Variants in PADI4 observed in about 807,000 individuals in gnomAD.
PADI4 encodes the protein peptidyl arginine deiminase 4.
PADI4 carries 62 observed loss-of-function variants against 75.0 expected under a neutral mutation model. The observed-to-expected ratio is 0.83, with a 90% CI of 0.67 to 1.02. The LOEUF (loss-of-function observed/expected upper bound fraction) is 1.02, where lower values mean the gene tolerates loss of function less well. Among genes scored for constraint, PADI4 ranks in the 50% least tolerant of loss-of-function variants. PADI4 has a pLI of 0.00. For missense variants in PADI4, 845 were observed against 850.5 expected (o/e 0.99, Z 0.08); for synonymous variants, 361 against 348.1 (o/e 1.04, Z -0.41).
At chr1:17,309,172 G>GA (rs35072789) in intron 1 of PADI4, among the ~76,000 whole-genome samples, 150 of 143,748 alleles carry the variant, frequency 1.0e-3, no homozygotes, top group African/African-American at 3.5e-3. Context: ...ATTTTCCCTG[G>GA]AAAAAAAAAA....
At chr1:17,340,759 A>C (rs1035570277) in intron 6 of PADI4, among the ~76,000 whole-genome samples, 1 of 139,666 alleles carries the variant, frequency 7.2e-6, no homozygotes, top group Non-Finnish European at 1.6e-5. Flanking sequence ...AATCATTCTG[A>C]TCCTGATCAT....
Position 17,363,636 on chromosome 1 carries a change from C to T in PADI4, c.1873C>T (p.Leu625Phe). Residue 625 changes from leucine to phenylalanine, a missense_variant, in exon 16 of 16, where the codon CTC (leucine) becomes TTC (phenylalanine). By Grantham distance (22) the Leu-to-Phe change is conservative (BLOSUM62 0). Transcript: ENST00000375448. ...KVCSLLEPLG[L>F]QCTFINDFFT... ...GTGTTCCCTGCTGGAGCCACTGGGC[C>T]TCCAGTGCACCTTCATCAACGACTT... is the stretch of plus-strand genomic sequence containing the variant. The T allele has an allele frequency of 1.2e-6, 2 of 1,614,042 alleles. No homozygotes were observed. Among genetic ancestry groups the T allele is most frequent in the Non-Finnish European group, 1.7e-6 (2 of 1,179,860 alleles).
At position 17,354,528 on chromosome 1, in the gene PADI4, C is replaced by T; in HGVS notation, c.1156-5C>T. 1 of 1,614,036 alleles carries T rather than the reference C, an allele frequency of 6.2e-7. No individual in the cohort carries two copies. The highest frequency in any genetic ancestry group is 1.1e-5 in the South Asian group (1 of 91,072). ...AACTCTTGGCACTCCCTTCTCCTAT[C>T]TCAGGGTCCAGATTTTGGCTATGTA... On this transcript the variant is annotated splice_polypyrimidine_tract_variant and splice_region_variant and intron_variant, in intron 10 of 15. Transcript: ENST00000375448.
intron 1 of PADI4, among the ~76,000 whole-genome samples, chr1:17,326,122 T>C (rs2074114190): frequency 1.3e-5 from 2 of 152,194 alleles, no homozygotes; most frequent in Non-Finnish European, 2.9e-5. Context: ...ATCTGCTTTA[T>C]CTTCAGTAAT....
At chr1:17,355,148 G>A (rs895757168) in intron 11 of PADI4, among the ~76,000 whole-genome samples, 65 of 152,156 alleles carry the variant, frequency 4.3e-4, no homozygotes, top group African/African-American at 1.4e-3. Flanking sequence ...AAGGGACAGG[G>A]CCACCTGGAG....
chr1:17,310,108 T>A (rs2073793388), intron 1 of PADI4, among the ~76,000 whole-genome samples: 1 of 152,220 alleles, frequency 6.6e-6, no homozygotes, highest in Non-Finnish European at 1.5e-5. Flanking sequence ...GTTGAGCCTG[T>A]CACTCTATCC....
At chr1:17,361,628 A>G (rs950426602) in intron 15 of PADI4, among the ~76,000 whole-genome samples, 5 of 152,208 alleles carry the variant, frequency 3.3e-5, no homozygotes, top group African/African-American at 9.6e-5. Flanking sequence ...TGTCATTGCA[A>G]CGGAGATATG....
intron 11 of PADI4, among the ~76,000 whole-genome samples, chr1:17,355,230 G>A (rs888514922): frequency 6.6e-5 from 10 of 152,202 alleles, no homozygotes; most frequent in African/African-American, 1.2e-4. Flanking sequence ...GAGCTCCTGC[G>A]TGCAAGGCCA....
In PADI4 at chr1:17,338,085, G is replaced by T. The variant is rs779399204; in HGVS notation, c.456G>T (p.Val152=). 5.6e-5 allele frequency: 91 copies of T among 1,613,694 alleles called. No homozygotes were observed. The South Asian group carries it at 8.1e-4, about 14-fold the overall frequency. ...GTGGACAGGGTGCCATCCTGCTGGT[G>T]AACTGTGACAGAGACAATCTCGAAT... The part of the protein sequence containing the change: ...GPCGQGAILL[V]NCDRDNLESS... The change falls in exon 5 of 16, where the codon GTG becomes GTT. Residue 152 remains valine (V), a synonymous_variant. Transcript: ENST00000375448.
At chr1:17,327,582 CCCAG>C (rs1187744747) in intron 1 of PADI4, among the ~76,000 whole-genome samples, 36 of 151,214 alleles carry the variant, frequency 2.4e-4, no homozygotes, top group Non-Finnish European at 1.0e-4. Flanking sequence ...CGCTTTGTCA[CCCAG>C]GCTGGAGTAC....
chr1:17,356,298 C>G lies in PADI4; in HGVS notation c.1456-59C>G. The G allele has an allele frequency of 7.4e-7, 1 of 1,352,674 alleles. No individual in the cohort carries two copies. The highest frequency in any genetic ancestry group is 1.0e-6 in the Non-Finnish European group (1 of 978,156). The allele number at this position is 1,352,674 out of a possible 1,614,324, so 83.8% of individuals were successfully genotyped here. ...ACTACTCCCACCCTCAGCAGATCCACCCTCGTTGGGAGCTCCAGGGGCAAA... is the reference window on the plus strand; with the variant it reads ...ACTACTCCCACCCTCAGCAGATCCAGCCTCGTTGGGAGCTCCAGGGGCAAA... On this transcript the variant is annotated intron_variant, in intron 12 of 15. Coordinates refer to ENST00000375448, the MANE Select transcript of PADI4 (RefSeq NM_012387.3). The surrounding 1 kb of genome is among the most constrained non-coding windows in gnomAD (Gnocchi z 4.1).
chr1:17,337,569 G>A lies in PADI4; in HGVS notation c.409-469G>A, dbSNP rs146021462. On this transcript the variant is annotated intron_variant, in intron 4 of 15. Transcript: ENST00000375448. ...GAGTAAAAGGCAAAAATCCACTCCT[G>A]AGATCAAATAATTAATTGATGTGGA... Among the ~76,000 whole-genome samples the A allele has an allele frequency of 7.2e-3, 1,093 of 152,254 alleles. 7 individuals are homozygous for A. Among genetic ancestry groups the A allele is most frequent in the Non-Finnish European group, 0.012 (818 of 68,022 alleles).
At chr1:17,341,097 GTTTC>G (rs1056639090) in intron 6 of PADI4, among the ~76,000 whole-genome samples, 1 of 132,914 alleles carries the variant, frequency 7.5e-6, no homozygotes, top group African/African-American at 2.8e-5. Flanking sequence ...CCCAGCCTCT[GTTTC>G]TTTTTTTTTT....
chr1:17,348,018 C>A lies in PADI4; in HGVS notation c.1125C>A (p.Gly375=), dbSNP rs776883957. The A allele has an allele frequency of 3.1e-6, 5 of 1,612,394 alleles. No homozygotes were observed. Among genetic ancestry groups the A allele is most frequent in the African/African-American group, 1.3e-5 (1 of 74,886 alleles). The change falls in exon 10 of 16, where the codon GGC becomes GGA. Residue 375 remains glycine, a synonymous_variant. Transcript: ENST00000375448. Reference sequence around the variant, plus strand: ...TCTTCGACTCTCCAAGGAACAGAGGCCTGAAGGAGTTTCCCATCAAACGCG... The same window carrying A: ...TCTTCGACTCTCCAAGGAACAGAGGACTGAAGGAGTTTCCCATCAAACGCG... The part of the protein sequence containing the change: ...PVVFDSPRNR[G]LKEFPIKRVM...
intron 1 of PADI4, among the ~76,000 whole-genome samples, chr1:17,330,613 G>T (rs1465034252): frequency 6.6e-6 from 1 of 152,202 alleles, no homozygotes; most frequent in African/African-American, 2.4e-5. Context: ...TAGTGTCTAA[G>T]GGCAGGAGGA....
At chr1:17,335,693 A>G (rs2074296974) in intron 3 of PADI4, among the ~76,000 whole-genome samples, 1 of 152,250 alleles carries the variant, frequency 6.6e-6, no homozygotes, top group South Asian at 2.1e-4. Context: ...GTCCCCAGAT[A>G]CAGTCACAAC....
chr1:17,342,184 A>T, intron 7 of PADI4, 63 bp downstream of exon 7: 1 of 1,541,568 alleles, frequency 6.5e-7, no homozygotes, highest in Non-Finnish European at 9.0e-7. Flanking sequence ...CTGGCTAGGG[A>T]AAGGGGTACA....
chr1:17,348,319 G>C lies in PADI4; in HGVS notation c.1155+271G>C, dbSNP rs1173832634. Reference sequence around the variant, plus strand: ...CTGCCGAGGAGGTGGCTCAGGCTTGGACCTCCCTGTGCTCTTGAAGAAGCT... The same window carrying C: ...CTGCCGAGGAGGTGGCTCAGGCTTGCACCTCCCTGTGCTCTTGAAGAAGCT... On this transcript the variant is annotated intron_variant, in intron 10 of 15. Coordinates refer to ENST00000375448, the MANE Select transcript of PADI4 (RefSeq NM_012387.3). 4.6e-5 allele frequency: 15 copies of C among 326,184 alleles called. No individual in the cohort carries two copies. The Admixed American group carries it at 6.1e-4, about 13-fold the overall frequency. The allele number at this position is 326,184 out of a possible 1,614,324, so 20.2% of individuals were successfully genotyped here. A position where few individuals can be genotyped will look rare whatever the true frequency, so the allele number is the denominator to read the frequency against.
At chr1:17,330,844 C>T in intron 1 of PADI4, 125 bp from the exon 2 acceptor site, 1 of 631,032 alleles carries the variant, frequency 1.6e-6, no homozygotes, top group Non-Finnish European at 2.6e-6. Context: ...AAATACTTCG[C>T]ATCTTTCAGT....
Sources: gnomAD v4.1 joint callset for allele counts (sites outside exome capture counted in the v4.1 genomes callset) on GRCh38, gnomAD v4.1.1 for gene constraint, Gnocchi (gnomAD v3.1) non-coding constraint, MANE v1.5 for transcripts, NCBI Gene and HGNC (gene_info 2026-07-23, HGNC 2026-07-21) for gene names.